The following UGT1A8 variants were observed in gnomAD, a reference collection of about 807,000 sequenced individuals.
The protein encoded by UGT1A8 is UDP-glucuronosyltransferase 1A8.
Under a neutral mutation model 45.3 loss-of-function variants are expected in UGT1A8, and 39 were observed. The observed-to-expected ratio is 0.86, with a 90% CI of 0.67 to 1.12. The LOEUF is 1.12. Among genes scored for constraint, UGT1A8 ranks in the 50% most tolerant of loss-of-function variants. The pLI is 0.00. For synonymous variants in UGT1A8, 275 were observed against 249.2 expected (o/e 1.10, Z -0.97); for missense variants, 719 against 664.9 (o/e 1.08, Z -0.90).
intron 1 of UGT1A8, among the ~76,000 whole-genome samples, chr2:233,698,410 C>G (rs1360939662): frequency 6.6e-6 from 1 of 151,926 alleles, no homozygotes; most frequent in Admixed American, 6.6e-5. Flanking sequence ...GTGACTTCAT[C>G]GCAATAAATT....
At chr2:233,658,797 T>G (rs1392650611) in intron 1 of UGT1A8, among the ~76,000 whole-genome samples, 2 of 152,262 alleles carry the variant, frequency 1.3e-5, no homozygotes, top group Non-Finnish European at 2.9e-5. Flanking sequence ...GCTAAACATC[T>G]ATTTCTGGAC....
rs531220267 is a variant in UGT1A8, at chr2:233,732,395, C to A, written c.856-34639C>A. On this transcript the variant is annotated intron_variant, in intron 1 of 4. Coordinates refer to ENST00000373450, the MANE Select transcript of UGT1A8 (RefSeq NM_019076.5). ...CTATGTCTTCTAGGCCATGCCTATGCCTAAATGATATTGCCTAGGTTTTCT... is the reference window on the plus strand; with the variant it reads ...CTATGTCTTCTAGGCCATGCCTATGACTAAATGATATTGCCTAGGTTTTCT... Among the ~76,000 whole-genome samples, 4 of 152,284 alleles carry A rather than the reference C, an allele frequency of 2.6e-5. No individual in the cohort carries two copies. The East Asian group carries it at 7.7e-4, about 29-fold the overall frequency.
intron 1 of UGT1A8, chr2:233,760,312 C>A (rs370790922): frequency 6.2e-7 from 1 of 1,613,816 alleles, no homozygotes; most frequent in Non-Finnish European, 8.5e-7. Flanking sequence ...CCAGGGCGGA[C>A]GCCCACTTGT....
chr2:233,742,265 C>A (rs1188794334), intron 1 of UGT1A8, among the ~76,000 whole-genome samples: 2 of 151,928 alleles, frequency 1.3e-5, no homozygotes, highest in Non-Finnish European at 2.9e-5. Context: ...TGACAGCAAG[C>A]CTGTGATAAG....
At chr2:233,625,981 C>T (rs1418542360) in intron 1 of UGT1A8, among the ~76,000 whole-genome samples, 1 of 151,950 alleles carries the variant, frequency 6.6e-6, no homozygotes, top group African/African-American at 2.4e-5. Context: ...GGTCTCCATC[C>T]TCATCATCTT....
At chr2:233,733,635 C>T (rs2078423363) in intron 1 of UGT1A8, among the ~76,000 whole-genome samples, 1 of 152,186 alleles carries the variant, frequency 6.6e-6, no homozygotes, top group African/African-American at 2.4e-5. Flanking sequence ...TTGAACCAGC[C>T]TTGCATCCCA....
At chr2:233,758,087 A>T (rs1470307117) in intron 1 of UGT1A8, among the ~76,000 whole-genome samples, 1 of 152,172 alleles carries the variant, frequency 6.6e-6, no homozygotes, top group Non-Finnish European at 1.5e-5. Context: ...TTCCTAGCAT[A>T]GTGACTGCCA....
rs1390329998 is a variant in UGT1A8 at position 233,760,823 on chromosome 2, T to A, written c.856-6211T>A. 6.2e-7 allele frequency: 1 copy of A among 1,613,528 alleles called. No homozygotes were observed. Among genetic ancestry groups the A allele is most frequent in the East Asian group, 2.2e-5 (1 of 44,862 alleles). On this transcript the variant is annotated intron_variant, in intron 1 of 4. Coordinates refer to ENST00000373450, the MANE Select transcript of UGT1A8 (RefSeq NM_019076.5). ...TTCTTGCATGCACTGCCATGCAGCC[T>A]GGAATTTGAGGCTACCCAGTGCCCC...
At chr2:233,724,842 G>C (rs2077321270) in intron 1 of UGT1A8, among the ~76,000 whole-genome samples, 1 of 132,456 alleles carries the variant, frequency 7.5e-6, no homozygotes, top group Non-Finnish European at 1.6e-5. Flanking sequence ...GGAGGCCAAG[G>C]CAGGCGGCTG....
intron 1 of UGT1A8, among the ~76,000 whole-genome samples, chr2:233,651,314 G>C (rs1486713767): frequency 6.6e-6 from 1 of 152,032 alleles, no homozygotes; most frequent in African/African-American, 2.4e-5. Context: ...GGGCTTCCGA[G>C]ATACGGAAAG....
At chr2:233,678,232 G>A (rs1271694753) in intron 1 of UGT1A8, among the ~76,000 whole-genome samples, 1 of 152,124 alleles carries the variant, frequency 6.6e-6, no homozygotes, top group Non-Finnish European at 1.5e-5. Flanking sequence ...TTGGGTGATG[G>A]GAGCAATCAT....
intron 1 of UGT1A8, chr2:233,747,921 G>T: frequency 6.2e-7 from 1 of 1,613,394 alleles, no homozygotes; most frequent in Non-Finnish European, 8.5e-7. Context: ...CCTTGCCTCT[G>T]AGCTTTTTCA....
chr2:233,758,000 G>A (rs956611939), intron 1 of UGT1A8, among the ~76,000 whole-genome samples: 37 of 152,052 alleles, frequency 2.4e-4, no homozygotes, highest in Admixed American at 5.2e-4. Context: ...GTAATTGCCT[G>A]GTCATGAGTT....
chr2:233,641,565 ATTCTGTGTAT>A (rs954977506), intron 1 of UGT1A8, among the ~76,000 whole-genome samples: 2 of 152,226 alleles, frequency 1.3e-5, no homozygotes, highest in Non-Finnish European at 2.9e-5. Context: ...ATGTTATAAT[ATTCTGTGTAT>A]TTCTGTGTAC....
At chr2:233,755,269 T>C in intron 1 of UGT1A8, 1 of 759,984 alleles carries the variant, frequency 1.3e-6, no homozygotes, top group East Asian at 5.3e-5. Context: ...TAGTCCACTA[T>C]GCTGGACTGC....
intron 1 of UGT1A8, chr2:233,693,966 T>C: frequency 6.3e-7 from 1 of 1,574,826 alleles, no homozygotes. Context: ...GAGGATTTCC[T>C]GGAGAAACGG....
At chr2:233,693,836 A>C in intron 1 of UGT1A8, 1 of 1,614,182 alleles carries the variant, frequency 6.2e-7, no homozygotes, top group Non-Finnish European at 8.5e-7. Flanking sequence ...TGGAGGTATC[A>C]ACTGTAAGAA....
intron 1 of UGT1A8, among the ~76,000 whole-genome samples, chr2:233,701,695 C>A (rs560963987): frequency 6.6e-6 from 1 of 152,306 alleles, no homozygotes; most frequent in East Asian, 1.9e-4. Flanking sequence ...GAAAATCACT[C>A]AAAACCGCTC....
chr2:233,693,656 G>A (rs764049007), intron 1 of UGT1A8: 1 of 1,614,020 alleles, frequency 6.2e-7, no homozygotes, highest in Admixed American at 1.7e-5. Context: ...TAATTTGTTG[G>A]AGCCCTATCT....
Sources: allele counts gnomAD v4.1 joint callset (sites outside exome capture counted in the v4.1 genomes callset), GRCh38; gene constraint gnomAD v4.1.1; transcripts MANE v1.5; gene names NCBI Gene and HGNC (gene_info 2026-07-23, HGNC 2026-07-21).